CPA6: variants seen among roughly 807,000 people sequenced by gnomAD.
The protein encoded by CPA6 is carboxypeptidase B.
A neutral mutation model predicts 63.3 loss-of-function variants in CPA6; 58 were observed. The ratio of observed to expected loss-of-function variants is 0.92; its 90% confidence interval spans 0.74 to 1.14. The LOEUF is 1.14. Among genes scored for constraint, CPA6 ranks in the 50% most tolerant of loss-of-function variants. CPA6 has a pLI of 0.00. For missense variants in CPA6, 565 were observed against 526.6 expected (o/e 1.07, Z -0.71); for synonymous variants, 185 against 179.0 (o/e 1.03, Z -0.27).
intron 8 of CPA6, among the ~76,000 whole-genome samples, chr8:67,448,102 G>A (rs1810470869): frequency 6.6e-6 from 1 of 152,140 alleles, no homozygotes. Context: ...CTTCCTTACT[G>A]GAAGTGTGCT....
chr8:67,443,526 A>G (rs1210810622), intron 8 of CPA6, among the ~76,000 whole-genome samples: 2 of 152,144 alleles, frequency 1.3e-5, no homozygotes, highest in Non-Finnish European at 2.9e-5. Flanking sequence ...TATAATTTAC[A>G]TACGACTTTA....
chr8:67,517,708 C>T (rs1812175133), intron 3 of CPA6, among the ~76,000 whole-genome samples: 1 of 152,192 alleles, frequency 6.6e-6, no homozygotes, highest in South Asian at 2.1e-4. Context: ...TTAGTGGTAA[C>T]AGTGAATAGT....
rs1240431330 is a variant in CPA6 at position 67,664,419 on chromosome 8, C to T, written c.117-40168G>A. Among the ~76,000 whole-genome samples the T allele has an allele frequency of 4.6e-5, 7 of 152,110 alleles. 1 individual carries two copies. The highest frequency in any genetic ancestry group is 4.6e-4 in the Admixed American group (7 of 15,282). ...ATACTTTCCTAACAGCCTGGAAGTC[C>T]AGGTTCAAATTTAGAATTTTTGGAT... is the stretch of plus-strand genomic sequence containing the variant. On this transcript the variant is annotated intron_variant, in intron 1 of 10. Coordinates refer to ENST00000297770, the MANE Select transcript of CPA6 (RefSeq NM_020361.5).
At chr8:67,659,776 C>T (rs540700136) in intron 1 of CPA6, among the ~76,000 whole-genome samples, 144 of 152,238 alleles carry the variant, frequency 9.5e-4, no homozygotes, top group African/African-American at 3.3e-3. Flanking sequence ...CAAATTCCAC[C>T]AATGCAATAT....
intron 6 of CPA6, among the ~76,000 whole-genome samples, chr8:67,502,546 T>G (rs1369510402): frequency 6.6e-6 from 1 of 152,240 alleles, no homozygotes; most frequent in Non-Finnish European, 1.5e-5. Context: ...TTATTTTCTA[T>G]TTTTCTAGGT....
chr8:67,742,956 G>A (rs1817940180), intron 1 of CPA6, among the ~76,000 whole-genome samples: 1 of 152,004 alleles, frequency 6.6e-6, no homozygotes, highest in African/African-American at 2.4e-5. Context: ...TTTCTGTGAC[G>A]CAGAAGATTT....
chr8:67,652,500 T>C (rs552608269), intron 1 of CPA6, among the ~76,000 whole-genome samples: 26 of 152,194 alleles, frequency 1.7e-4, no homozygotes, highest in African/African-American at 2.6e-4. Flanking sequence ...CCAGTGATGA[T>C]GAGCATTTTT....
intron 8 of CPA6, among the ~76,000 whole-genome samples, chr8:67,461,380 A>T (rs1221090334): frequency 6.8e-6 from 1 of 147,760 alleles, no homozygotes; most frequent in African/African-American, 2.5e-5. Flanking sequence ...GGTTGGGGGT[A>T]AGGTCACCGA....
At chr8:67,587,645 G>T (rs1454830360) in intron 2 of CPA6, among the ~76,000 whole-genome samples, 1 of 152,096 alleles carries the variant, frequency 6.6e-6, no homozygotes, top group Non-Finnish European at 1.5e-5. Context: ...ACATGGCCAG[G>T]CCAGATTTAT....
intron 1 of CPA6, among the ~76,000 whole-genome samples, chr8:67,690,439 G>A (rs186832730): frequency 1.4e-4 from 21 of 152,264 alleles, no homozygotes; most frequent in Admixed American, 1.3e-3. Context: ...GAGAAATTTG[G>A]TTCTAGCAAT....
chr8:67,430,659 A>G (rs1425613014), intron 9 of CPA6, among the ~76,000 whole-genome samples: 1 of 152,134 alleles, frequency 6.6e-6, no homozygotes, highest in East Asian at 1.9e-4. Flanking sequence ...AACACTCTCC[A>G]GGATTTCTCA....
chr8:67,673,898 T>C (rs1425200026), intron 1 of CPA6, among the ~76,000 whole-genome samples: 1 of 152,214 alleles, frequency 6.6e-6, no homozygotes, highest in Admixed American at 6.5e-5. Flanking sequence ...ACAATTGTTA[T>C]ATATAGAACA....
chr8:67,485,124 A>G (rs919810679), intron 6 of CPA6, among the ~76,000 whole-genome samples: 1 of 152,174 alleles, frequency 6.6e-6, no homozygotes, highest in African/African-American at 2.4e-5. Context: ...ATTCCATTCA[A>G]TTGTGGACAA....
At chr8:67,492,090 A>G (rs1385387036) in intron 6 of CPA6, among the ~76,000 whole-genome samples, 1 of 152,200 alleles carries the variant, frequency 6.6e-6, no homozygotes, top group East Asian at 1.9e-4. Context: ...GAAAAGTGCT[A>G]ATGCTGGAGG....
At chr8:67,719,629 G>A (rs1369251962) in intron 1 of CPA6, among the ~76,000 whole-genome samples, 4 of 152,242 alleles carry the variant, frequency 2.6e-5, no homozygotes, top group Admixed American at 2.0e-4. Flanking sequence ...GTCAATTGGA[G>A]GGGGTGAAAC....
intron 8 of CPA6, among the ~76,000 whole-genome samples, chr8:67,450,496 T>A (rs1810532205): frequency 6.6e-6 from 1 of 152,208 alleles, no homozygotes; most frequent in African/African-American, 2.4e-5. Flanking sequence ...CTTATGTCAA[T>A]GAACGAAGGG....
chr8:67,710,397 GCCCCCACCCC>G (rs1166461538), intron 1 of CPA6, among the ~76,000 whole-genome samples: 2 of 90,862 alleles, frequency 2.2e-5, no homozygotes, highest in Non-Finnish European at 2.2e-5. Flanking sequence ...CAAATTTCCC[GCCCCCACCCC>G]CCCCCAACCC....
intron 1 of CPA6, among the ~76,000 whole-genome samples, chr8:67,723,577 G>A: frequency 6.6e-6 from 1 of 152,120 alleles, no homozygotes; most frequent in East Asian, 1.9e-4. Flanking sequence ...ATCCTCACCA[G>A]CACTAAGCAT....
chr8:67,444,152 T>C (rs1423140682), intron 8 of CPA6, among the ~76,000 whole-genome samples: 1 of 151,860 alleles, frequency 6.6e-6, no homozygotes, highest in Non-Finnish European at 1.5e-5. Flanking sequence ...CCACCACACC[T>C]GGCTTTTTGT....
Sources: allele counts gnomAD v4.1 joint callset (sites outside exome capture counted in the v4.1 genomes callset), GRCh38; gene constraint gnomAD v4.1.1; transcripts MANE v1.5; gene names NCBI Gene and HGNC (gene_info 2026-07-23, HGNC 2026-07-21).